Variants in GPHN observed in about 807,000 individuals in gnomAD.
The protein encoded by GPHN is gephyrin.
Under a neutral mutation model 95.5 loss-of-function variants are expected in GPHN, and 17 were observed. The observed-to-expected ratio is 0.18, with a 90% CI of 0.12 to 0.27. GPHN has a LOEUF of 0.27. Ranked by LOEUF, GPHN falls within the 10% of genes least tolerant of loss-of-function variation. GPHN has a pLI of 1.00. For synonymous variants in GPHN, 320 were observed against 322.5 expected, an observed-to-expected ratio of 0.99 and a Z score of 0.08; for missense variants, 660 against 978.1, an observed-to-expected ratio of 0.67 and a Z score of 4.34.
chr14:66,548,059 G>A (rs1479011033), intron 1 of GPHN, among the ~76,000 whole-genome samples: 3 of 151,184 alleles, frequency 2.0e-5, no homozygotes, highest in South Asian at 2.1e-4. Context: ...TTTTAACAAC[G>A]TGTACTCACT....
chr14:67,274,058 C>G, the GPHN span, among the ~76,000 whole-genome samples: 2 of 152,208 alleles, frequency 1.3e-5, no homozygotes, highest in South Asian at 4.2e-4. Context: ...AAAATTTTCT[C>G]CCATTCTGTA....
the GPHN span, chr14:67,385,969 A>G: frequency 6.6e-6 from 1 of 152,160 alleles, no homozygotes; most frequent in East Asian, 1.9e-4. Flanking sequence ...TAAAAATACA[A>G]ATGCCAGTAC....
At chr14:67,002,787 A>G (rs977430409) in intron 9 of GPHN, among the ~76,000 whole-genome samples, 2 of 151,578 alleles carry the variant, frequency 1.3e-5, no homozygotes, top group African/African-American at 4.8e-5. Flanking sequence ...CTATATTATT[A>G]TCAGTATTTA....
intron 12 of GPHN, among the ~76,000 whole-genome samples, chr14:67,099,046 T>C (rs1345375000): frequency 1.3e-5 from 2 of 151,826 alleles, no homozygotes; most frequent in Admixed American, 6.6e-5. Context: ...GGGGGATAGA[T>C]GAAACAAGAT....
chr14:67,577,393 G>A, the GPHN span: 12 of 1,585,454 alleles, frequency 7.6e-6, no homozygotes, highest in Admixed American at 1.8e-5. Context: ...CCTTGCAGAC[G>A]GAGGCCCTCA....
the GPHN span, chr14:67,690,324 C>T: frequency 6.2e-7 from 1 of 1,614,104 alleles, no homozygotes; most frequent in South Asian, 1.1e-5. Flanking sequence ...GGAAGTGGAT[C>T]CTTCCCAGGT....
chr14:66,757,933 T>G (rs1178760093), intron 2 of GPHN, among the ~76,000 whole-genome samples: 2 of 152,108 alleles, frequency 1.3e-5, no homozygotes, highest in African/African-American at 4.8e-5. Flanking sequence ...AAGGAAAAAT[T>G]CTCAGCCAAG....
chr14:67,575,627 G>A, the GPHN span: 3 of 716,540 alleles, frequency 4.2e-6, no homozygotes, highest in East Asian at 2.7e-5. Context: ...GATTCTGCCT[G>A]TCTGGGTCTC....
At chr14:67,454,713 G>A in the GPHN span, 2 of 152,158 alleles carry the variant, frequency 1.3e-5, no homozygotes, top group Non-Finnish European at 2.9e-5. Flanking sequence ...CATTAAAGTG[G>A]ACTTTAATAA....
intron 2 of GPHN, among the ~76,000 whole-genome samples, chr14:66,704,662 G>A (rs1202855472): frequency 2.0e-5 from 3 of 152,094 alleles, no homozygotes; most frequent in African/African-American, 7.2e-5. Flanking sequence ...AGCTAAAGAA[G>A]TGTGAGAGAG....
chr14:67,006,655 A>G (rs973473814), intron 9 of GPHN, among the ~76,000 whole-genome samples: 2 of 152,168 alleles, frequency 1.3e-5, no homozygotes, highest in Non-Finnish European at 2.9e-5. Context: ...ATCCCTAGAA[A>G]TGAAAGTGTG....
At chr14:67,379,445 T>G in the GPHN span, among the ~76,000 whole-genome samples, 1 of 152,184 alleles carries the variant, frequency 6.6e-6, no homozygotes, top group Non-Finnish European at 1.5e-5. Context: ...AAACATCTGT[T>G]CACCTCATTT....
intron 2 of GPHN, among the ~76,000 whole-genome samples, chr14:66,745,672 G>A (rs1392828242): frequency 6.6e-6 from 1 of 151,888 alleles, no homozygotes; most frequent in Admixed American, 6.6e-5. Flanking sequence ...AGATAATTTA[G>A]AAATAGTCCA....
chr14:67,264,475 T>A, the GPHN span, among the ~76,000 whole-genome samples: 37 of 152,302 alleles, frequency 2.4e-4, no homozygotes, highest in Middle Eastern at 3.4e-3. Flanking sequence ...TTTTTTCATG[T>A]GTTTTCTTGT....
chr14:67,592,170 C>A, the GPHN span: 1 of 207,664 alleles, frequency 4.8e-6, no homozygotes. Flanking sequence ...TATGCTGGCT[C>A]ATGCTTGTAA....
chr14:67,592,375 G>A, the GPHN span: 2 of 475,982 alleles, frequency 4.2e-6, no homozygotes, highest in Non-Finnish European at 3.8e-6. Context: ...GGGAGGTGGA[G>A]GCTGCAATGA....
chr14:66,617,558 T>C (rs1480903270), intron 1 of GPHN, among the ~76,000 whole-genome samples: 1 of 152,166 alleles, frequency 6.6e-6, no homozygotes, highest in Admixed American at 6.5e-5. Context: ...TCTGATGAGA[T>C]AACCTGGATA....
chr14:66,540,233 G>T (rs2059308236), intron 1 of GPHN, among the ~76,000 whole-genome samples: 1 of 152,056 alleles, frequency 6.6e-6, no homozygotes. Context: ...GTAACAGAGG[G>T]AAAAAAGAAA....
At chr14:66,663,857 C>T (rs2065797379) in intron 1 of GPHN, among the ~76,000 whole-genome samples, 1 of 152,006 alleles carries the variant, frequency 6.6e-6, no homozygotes, top group African/African-American at 2.4e-5. Context: ...AGACTTTAAC[C>T]AACAAAGATC....
Sources: gnomAD v4.1 joint callset for allele counts (sites outside exome capture counted in the v4.1 genomes callset) on GRCh38, gnomAD v4.1.1 for gene constraint, MANE v1.5 for transcripts, NCBI Gene and HGNC (gene_info 2026-07-23, HGNC 2026-07-21) for gene names.